The following RARB variants were observed in gnomAD, a reference collection of about 807,000 sequenced individuals.
RARB encodes retinoic acid receptor beta, also known as HBV-activated protein.
A neutral mutation model predicts 51.9 loss-of-function variants in RARB; 17 were observed. The ratio of observed to expected loss-of-function variants is 0.33; its 90% CI spans 0.22 to 0.49. The LOEUF (loss-of-function observed/expected upper bound fraction) is 0.49, where lower values mean the gene tolerates loss of function less well. RARB is among the 20% of genes least tolerant of loss of function. RARB has a pLI of 0.99. For synonymous variants in RARB, 215 were observed against 195.4 expected, an observed-to-expected ratio of 1.10 and a Z score of -0.84; for missense variants, 369 against 550.8, an observed-to-expected ratio of 0.67 and a Z score of 3.30.
upstream of RARB, among the ~76,000 whole-genome samples, chr3:25,427,068 G>A (rs1377233845): frequency 6.6e-6 from 1 of 152,210 alleles, no homozygotes; most frequent in Non-Finnish European, 1.5e-5. Context: ...GTTTAATTAT[G>A]TGGTGGGATG....
At chr3:25,503,853 A>G (rs1697434016) in intron 3 of RARB, among the ~76,000 whole-genome samples, 1 of 152,200 alleles carries the variant, frequency 6.6e-6, no homozygotes, top group Non-Finnish European at 1.5e-5. Flanking sequence ...GTGAAAAGGG[A>G]TCTTAGAGAT....
intron 2 of RARB, among the ~76,000 whole-genome samples, chr3:24,894,977 C>T (rs1359156136): frequency 6.6e-6 from 1 of 152,090 alleles, no homozygotes; most frequent in East Asian, 1.9e-4. Context: ...GTGGAAAAAC[C>T]TTTGCTTTAG....
At chr3:25,233,904 A>C (rs1009195260) in intron 5 of RARB, among the ~76,000 whole-genome samples, 13 of 151,820 alleles carry the variant, frequency 8.6e-5, no homozygotes, top group African/African-American at 3.1e-4. Context: ...ATGTTGAGCT[A>C]TCCTTGTGTC....
intron 3 of RARB, among the ~76,000 whole-genome samples, chr3:25,095,220 T>A (rs2125318658): frequency 6.6e-6 from 1 of 152,288 alleles, no homozygotes; most frequent in Non-Finnish European, 1.5e-5. Flanking sequence ...GTAGAATGAA[T>A]TGGAATGTTA....
intron 3 of RARB, among the ~76,000 whole-genome samples, chr3:25,111,671 T>C: frequency 7.2e-6 from 1 of 138,182 alleles, no homozygotes; most frequent in East Asian, 2.5e-4. Flanking sequence ...CTCCGCCTCC[T>C]GGGTTCAAGC....
chr3:25,155,072 C>T (rs1023591040), intron 4 of RARB, among the ~76,000 whole-genome samples: 1 of 152,190 alleles, frequency 6.6e-6, no homozygotes, highest in African/African-American at 2.4e-5. Flanking sequence ...TTCTCATTGC[C>T]ATTCTCTGAT....
At chr3:25,452,224 TAAAATGTCATGCA>T (rs1709225134) in intron 1 of RARB, among the ~76,000 whole-genome samples, 1 of 152,236 alleles carries the variant, frequency 6.6e-6, no homozygotes, top group Admixed American at 6.5e-5. Context: ...AAAACGTGTT[TAAAATGTCATGCA>T]AAACAACCTA....
chr3:25,143,410 G>A (rs1163176738), intron 4 of RARB, among the ~76,000 whole-genome samples: 1 of 152,184 alleles, frequency 6.6e-6, no homozygotes, highest in Admixed American at 6.5e-5. Context: ...TAGCCAAGCT[G>A]TGTAATTTAG....
intron 2 of RARB, among the ~76,000 whole-genome samples, chr3:24,957,916 C>G (rs994280796): frequency 2.0e-5 from 3 of 152,060 alleles, no homozygotes; most frequent in Non-Finnish European, 2.9e-5. Context: ...GTATATAACT[C>G]CAAGATAATA....
chr3:25,160,384 C>T (rs1700454575), intron 4 of RARB, among the ~76,000 whole-genome samples: 1 of 152,214 alleles, frequency 6.6e-6, no homozygotes, highest in African/African-American at 2.4e-5. Context: ...CTGGCTTCTT[C>T]TAGAACCCAC....
intron 5 of RARB, among the ~76,000 whole-genome samples, chr3:25,220,048 T>C (rs73149213): frequency 0.011 from 1,707 of 152,338 alleles, 28 homozygotes; most frequent in African/African-American, 0.039. Context: ...TCTTAAAGAA[T>C]GCATCTATAT....
chr3:25,550,184 T>C (rs1699789177), intron 3 of RARB, among the ~76,000 whole-genome samples: 1 of 152,236 alleles, frequency 6.6e-6, no homozygotes, highest in African/African-American at 2.4e-5. Context: ...GCAGTTAAGA[T>C]ACTTGGCAGT....
intron 2 of RARB, among the ~76,000 whole-genome samples, chr3:24,895,073 G>C (rs1200814009): frequency 6.6e-6 from 1 of 152,106 alleles, no homozygotes; most frequent in Non-Finnish European, 1.5e-5. Context: ...TCTGTTTTAT[G>C]GCATTTAGGA....
intron 5 of RARB, among the ~76,000 whole-genome samples, chr3:25,381,955 C>T (rs1706639477): frequency 6.6e-6 from 1 of 152,184 alleles, no homozygotes; most frequent in African/African-American, 2.4e-5. Flanking sequence ...CATCTCAATC[C>T]CTCACCACTA....
Position 25,220,123 on chromosome 3 carries a change from C to A in RARB, c.178+45548C>A, listed in dbSNP as rs187129431. Among the ~76,000 whole-genome samples the A allele has an allele frequency of 1.8e-3, 276 of 152,234 alleles. 1 individual carries two copies. The highest frequency in any genetic ancestry group is 6.1e-3 in the African/African-American group (255 of 41,548). ...GTTTCATAAAATTCTCACCTGTAGCCATAAATTAAATATTGTGATTGAACT... is the reference window on the plus strand; with the variant it reads ...GTTTCATAAAATTCTCACCTGTAGCAATAAATTAAATATTGTGATTGAACT... On this transcript the variant is annotated intron_variant, in intron 5 of 11. Transcript: ENST00000383772.
At chr3:24,895,962 A>T (rs548042766) in intron 2 of RARB, among the ~76,000 whole-genome samples, 3 of 152,208 alleles carry the variant, frequency 2.0e-5, no homozygotes, top group African/African-American at 7.2e-5. Flanking sequence ...GAAACAAATC[A>T]TATCTATAAA....
At chr3:25,084,408 G>C (rs1699066546) in intron 3 of RARB, among the ~76,000 whole-genome samples, 1 of 151,514 alleles carries the variant, frequency 6.6e-6, no homozygotes, top group Non-Finnish European at 1.5e-5. Context: ...ATACACAAGT[G>C]TACAAAACTT....
chr3:25,546,443 G>A lies in RARB; in HGVS notation c.449-23315G>A, dbSNP rs115167307. 9.0e-4 allele frequency among the ~76,000 whole-genome samples: 137 copies of A among 152,236 alleles called. 2 individuals carry two copies. The highest frequency in any genetic ancestry group is 2.9e-3 in the African/African-American group (119 of 41,550). On this transcript the variant is annotated intron_variant, in intron 3 of 7. Coordinates refer to ENST00000330688, the MANE Select transcript of RARB (RefSeq NM_000965.5). ...GTGCTGGGGCCCTGGAGAGCAGGGA[G>A]CGATGAGTGGTGGGGAGGAGTCCAG...
chr3:25,041,007 G>A (rs370227647), intron 2 of RARB, among the ~76,000 whole-genome samples: 63 of 152,162 alleles, frequency 4.1e-4, no homozygotes, highest in African/African-American at 1.3e-3. Context: ...CACAGTCTCT[G>A]CCATAAAGAA....
Sources: allele counts gnomAD v4.1 joint callset (sites outside exome capture counted in the v4.1 genomes callset), GRCh38; gene constraint gnomAD v4.1.1; transcripts MANE v1.5; gene names NCBI Gene and HGNC (gene_info 2026-07-23, HGNC 2026-07-21).